The following USH2A variants were observed in gnomAD, a reference collection of about 807,000 sequenced individuals.
USH2A encodes usherin.
USH2A carries 443 observed loss-of-function variants against 538.9 expected under a neutral mutation model. The ratio of observed to expected loss-of-function variants is 0.82; its 90% CI spans 0.76 to 0.89. The LOEUF is 0.89. Among genes scored for constraint, USH2A ranks in the 40% least tolerant of loss-of-function variants. The pLI is 0.00. For synonymous variants in USH2A, 2,413 were observed against 2,273.5 expected (o/e 1.06, Z -1.75); for missense variants, 6,633 against 6,324.8 (o/e 1.05, Z -1.65).
chr1:216,012,928 T>C (rs1196301467), intron 32 of USH2A, among the ~76,000 whole-genome samples: 1 of 152,106 alleles, frequency 6.6e-6, no homozygotes, highest in Non-Finnish European at 1.5e-5. Context: ...CATACTCCTA[T>C]TCACCGTTCT....
At chr1:216,033,543 G>A (rs926029690) in intron 32 of USH2A, among the ~76,000 whole-genome samples, 7 of 152,182 alleles carry the variant, frequency 4.6e-5, no homozygotes, top group African/African-American at 1.4e-4. Flanking sequence ...ATAAAAGAAT[G>A]ATATAAGGCT....
intron 9 of USH2A, among the ~76,000 whole-genome samples, chr1:216,313,969 T>G (rs1052828220): frequency 6.6e-6 from 1 of 152,190 alleles, no homozygotes; most frequent in African/African-American, 2.4e-5. Flanking sequence ...TTGGTGATTA[T>G]CAGATTTCTG....
chr1:216,198,572 C>G lies in USH2A; in HGVS notation c.3824G>C (p.Arg1275Thr), dbSNP rs1213608637. Reference sequence around the variant, plus strand: ...CAGTCTTCTCATGTATAGTTCATATCTTATAATTATTCCTAGAGAAATTAA... The same window carrying G: ...CAGTCTTCTCATGTATAGTTCATATGTTATAATTATTCCTAGAGAAATTAA... ...PPAELNGIII[R>T]YELYMRRLRS... The change falls in exon 18 of 72, where the codon AGA becomes ACA. Residue 1275 changes from arginine (R) to threonine (T), a missense_variant. By Grantham distance (71) the Arg-to-Thr change is moderately conservative. Transcript: ENST00000307340. The G allele has an allele frequency of 6.2e-7, 1 of 1,612,892 alleles. No individual in the cohort carries two copies. Among genetic ancestry groups the G allele is most frequent in the East Asian group, 2.2e-5 (1 of 44,778 alleles).
At chr1:215,862,315 C>CA (rs1168195028) in intron 44 of USH2A, among the ~76,000 whole-genome samples, 1 of 151,396 alleles carries the variant, frequency 6.6e-6, no homozygotes. Context: ...ATAGCAAGGA[C>CA]AAAAAACCAA....
intron 21 of USH2A, among the ~76,000 whole-genome samples, chr1:216,119,208 G>A (rs976705983): frequency 1.3e-5 from 2 of 152,132 alleles, no homozygotes; most frequent in Non-Finnish European, 2.9e-5. Flanking sequence ...TCACTAAGTA[G>A]CCATTTATTC....
At chr1:215,636,355 A>G (rs370914281) in intron 69 of USH2A, among the ~76,000 whole-genome samples, 10 of 152,286 alleles carry the variant, frequency 6.6e-5, no homozygotes, top group Admixed American at 3.3e-4. Flanking sequence ...TACTTTGCCA[A>G]CCCTAACTCT....
Position 215,648,552 on chromosome 1 carries a change from A to G in USH2A, c.14558T>C (p.Met4853Thr), listed in dbSNP as rs1236174102. ...CCTGTGAATGACACCATTGGGGAAC[A>G]TGGGGGGACTCCACCGGAAGGAGGC... Reference protein sequence around the residue: ...RTASFRWSPPMFPNGVIHSYE... With the variant: ...RTASFRWSPPTFPNGVIHSYE... The change falls in exon 66 of 72, where the codon ATG becomes ACG. Residue 4853 changes from methionine (M) to threonine (T), a missense_variant. Transcript: ENST00000307340. 2 of 1,614,142 alleles carry G rather than the reference A, an allele frequency of 1.2e-6. No individual in the cohort carries two copies. The highest frequency in any genetic ancestry group is 4.5e-5 in the East Asian group (2 of 44,864).
chr1:215,989,246 T>G (rs1265531037), intron 35 of USH2A, among the ~76,000 whole-genome samples: 1 of 152,188 alleles, frequency 6.6e-6, no homozygotes, highest in Non-Finnish European at 1.5e-5. Flanking sequence ...AGTCAAGATT[T>G]TGAAACCTGA....
At chr1:216,255,912 G>A (rs2036250412) in intron 11 of USH2A, among the ~76,000 whole-genome samples, 2 of 151,998 alleles carry the variant, frequency 1.3e-5, no homozygotes, top group South Asian at 2.1e-4. Flanking sequence ...TCTGCTGTTG[G>A]TACAGAAATA....
rs373231365 is a variant in USH2A at position 215,987,519 on chromosome 1, C to T, written c.6805+5501G>A. 1.6e-4 allele frequency among the ~76,000 whole-genome samples: 24 copies of T among 152,276 alleles called. 1 individual carries two copies. The East Asian group carries it at 4.6e-3, about 29-fold the overall frequency. ...AAGGACTCTGATTAGAGAAACAGAG[C>T]TGGAGTGTCACACCATCATTTTTGC... On this transcript the variant is annotated intron_variant, in intron 35 of 71. Coordinates refer to ENST00000307340, the MANE Select transcript of USH2A (RefSeq NM_206933.4).
At chr1:216,413,433 A>C (rs899137680) in intron 3 of USH2A, among the ~76,000 whole-genome samples, 1 of 152,116 alleles carries the variant, frequency 6.6e-6, no homozygotes. Context: ...ATGGGCATAC[A>C]GTTCAGAGAT....
intron 61 of USH2A, among the ~76,000 whole-genome samples, chr1:215,688,506 T>C (rs2102679238): frequency 6.6e-6 from 1 of 152,244 alleles, no homozygotes; most frequent in Non-Finnish European, 1.5e-5. Flanking sequence ...CTACTCGGGC[T>C]GCTATAGCAA....
chr1:215,998,207 C>G lies in USH2A; in HGVS notation c.6657+680G>C, dbSNP rs560443537. Reference sequence around the variant, plus strand: ...TCTCATGTTTATATTCAGTTATTTTCAGACGTGCTATTAAACTTAAAAAAG... The same window carrying G: ...TCTCATGTTTATATTCAGTTATTTTGAGACGTGCTATTAAACTTAAAAAAG... On this transcript the variant is annotated intron_variant, in intron 34 of 71. Coordinates refer to ENST00000307340, the MANE Select transcript of USH2A (RefSeq NM_206933.4). Among the ~76,000 whole-genome samples, 14 of 152,168 alleles carry G rather than the reference C, an allele frequency of 9.2e-5. No individual in the cohort carries two copies. The South Asian group carries it at 2.9e-3, about 32-fold the overall frequency.
chr1:215,875,880 T>A (rs1320831805), intron 43 of USH2A, among the ~76,000 whole-genome samples: 8 of 145,832 alleles, frequency 5.5e-5, no homozygotes, highest in African/African-American at 1.7e-4. Context: ...TTATATATAT[T>A]ATTAATTATA....
chr1:216,289,129 G>A (rs1369274670), intron 11 of USH2A, 151 bp downstream of exon 11: 4 of 1,129,832 alleles, frequency 3.5e-6, no homozygotes, highest in Non-Finnish European at 5.2e-6. Flanking sequence ...CATACTCAAA[G>A]TTGCACACGA....
intron 61 of USH2A, among the ~76,000 whole-genome samples, chr1:215,712,097 T>G (rs1659353046): frequency 1.3e-5 from 2 of 152,172 alleles, no homozygotes; most frequent in Admixed American, 6.5e-5. Flanking sequence ...GACAAAGAGA[T>G]GGACTCTCTT....
chr1:215,913,814 C>A (rs1314678720), intron 38 of USH2A, among the ~76,000 whole-genome samples: 5 of 151,700 alleles, frequency 3.3e-5, no homozygotes, highest in African/African-American at 1.2e-4. Flanking sequence ...CTACTTGATT[C>A]CATTACACTC....
intron 11 of USH2A, among the ~76,000 whole-genome samples, chr1:216,256,961 C>T (rs1045809675): frequency 6.6e-6 from 1 of 151,704 alleles, no homozygotes; most frequent in Non-Finnish European, 1.5e-5. Context: ...TCCTTTTCCC[C>T]CTCTTAATTA....
intron 6 of USH2A, 81 bp downstream of exon 6, chr1:216,325,224 G>A (rs1448085504): frequency 6.9e-7 from 1 of 1,447,106 alleles, no homozygotes; most frequent in Non-Finnish European, 9.7e-7. Context: ...ATATATTTCT[G>A]TTGTTTTAAG....
Sources: allele counts gnomAD v4.1 joint callset (sites outside exome capture counted in the v4.1 genomes callset), GRCh38; gene constraint gnomAD v4.1.1; transcripts MANE v1.5; gene names NCBI Gene and HGNC (gene_info 2026-07-23, HGNC 2026-07-21).